Variants in NTM observed in about 807,000 individuals in gnomAD.
The protein encoded by NTM is IgLON family member 2.
A neutral mutation model predicts 42.1 loss-of-function variants in NTM; 13 were observed. The ratio of observed to expected loss-of-function variants is 0.31; its 90% CI spans 0.20 to 0.49. NTM has a LOEUF of 0.49. Among genes scored for constraint, NTM ranks in the 20% least tolerant of loss-of-function variants. NTM has a pLI of 0.99. For missense variants in NTM, 373 were observed against 452.8 expected (o/e 0.82, Z 1.60); for synonymous variants, 187 against 179.2 (o/e 1.04, Z -0.35).
intron 1 of NTM, among the ~76,000 whole-genome samples, chr11:131,608,948 C>G (rs1402869059): frequency 6.6e-6 from 1 of 152,202 alleles, no homozygotes; most frequent in Non-Finnish European, 1.5e-5. Context: ...ATGCTACTGA[C>G]AGTAGATGCA....
intron 3 of NTM, among the ~76,000 whole-genome samples, chr11:132,172,202 C>T (rs1031495412): frequency 3.3e-5 from 5 of 152,194 alleles, no homozygotes; most frequent in Admixed American, 1.3e-4. Context: ...ATACATGATG[C>T]GATTTATGTC....
At chr11:131,385,697 T>A (rs1476526476) in intron 1 of NTM, among the ~76,000 whole-genome samples, 3 of 152,122 alleles carry the variant, frequency 2.0e-5, no homozygotes, top group Admixed American at 6.5e-5. Flanking sequence ...TACAAAAAAA[T>A]TTTTTTAAAA....
intron 4 of NTM, among the ~76,000 whole-genome samples, chr11:132,264,774 C>T (rs564537700): frequency 6.1e-4 from 93 of 152,226 alleles, no homozygotes; most frequent in African/African-American, 2.2e-3. Context: ...ATCTCATTAC[C>T]CAGGCCTTGC....
intron 1 of NTM, among the ~76,000 whole-genome samples, chr11:131,693,923 C>T (rs376710427): frequency 6.6e-6 from 1 of 152,200 alleles, no homozygotes. Context: ...TCTCTGGAGA[C>T]CTGTCTCTTT....
chr11:131,874,522 T>G (rs549998924), intron 1 of NTM, among the ~76,000 whole-genome samples: 24 of 152,316 alleles, frequency 1.6e-4, no homozygotes, highest in Non-Finnish European at 3.2e-4. Flanking sequence ...TGACTAAGTT[T>G]CTTAATTGTA....
intron 1 of NTM, among the ~76,000 whole-genome samples, chr11:131,380,918 A>C (rs990050924): frequency 1.3e-5 from 2 of 152,316 alleles, no homozygotes; most frequent in East Asian, 3.9e-4. Context: ...GATTCAACTC[A>C]TCTCTTCTTT....
intron 2 of NTM, among the ~76,000 whole-genome samples, chr11:131,953,084 G>A (rs652954): frequency 0.97 from 148,276 of 152,290 alleles, 72,213 homozygotes; most frequent in East Asian, 1. Context: ...AGAAAGCGCC[G>A]TGTTCAAGTT....
intron 1 of NTM, among the ~76,000 whole-genome samples, chr11:131,576,793 C>T (rs2057976578): frequency 6.6e-6 from 1 of 152,186 alleles, no homozygotes; most frequent in African/African-American, 2.4e-5. Context: ...TTTCTGGAGT[C>T]TGACTACCTG....
Position 132,336,752 on chromosome 11 carries a change from G to A in NTM, c.*1606G>A, listed in dbSNP as rs1435405240. On this transcript the variant is annotated 3_prime_UTR_variant, in exon 9 of 9. Transcript: ENST00000683400. ...GGTCCTGGATGTGATGAGGGAAAGG[G>A]GGATTGGGGGATCCGGGAGGGTGGG... is the stretch of plus-strand genomic sequence containing the variant. 6.6e-6 allele frequency: 1 copy of A among 152,116 alleles called. No individual in the cohort carries two copies. Among genetic ancestry groups the A allele is most frequent in the African/African-American group, 2.4e-5 (1 of 41,402 alleles). The allele number at this position is 152,116 out of a possible 1,614,324, so 9.4% of individuals were successfully genotyped here.
intron 2 of NTM, among the ~76,000 whole-genome samples, chr11:132,080,771 T>A (rs1357206431): frequency 1.3e-5 from 2 of 152,200 alleles, no homozygotes; most frequent in Non-Finnish European, 2.9e-5. Context: ...TGGATTTTAA[T>A]CTAAAAAAAA....
At chr11:132,124,371 A>G (rs1337681238) in intron 2 of NTM, among the ~76,000 whole-genome samples, 1 of 152,172 alleles carries the variant, frequency 6.6e-6, no homozygotes, top group African/African-American at 2.4e-5. Flanking sequence ...GACAGGCTCC[A>G]AAACACAGGT....
At chr11:131,926,489 G>A (rs145283956) in intron 2 of NTM, among the ~76,000 whole-genome samples, 196 of 152,060 alleles carry the variant, frequency 1.3e-3, no homozygotes, top group Middle Eastern at 3.4e-3. Flanking sequence ...GCAGAGTATC[G>A]GCAAGTGGAA....
intron 2 of NTM, among the ~76,000 whole-genome samples, chr11:131,956,957 C>T (rs1289536502): frequency 6.6e-6 from 1 of 150,944 alleles, no homozygotes; most frequent in Non-Finnish European, 1.5e-5. Context: ...AAGCTGTATT[C>T]CTCAGGCTCC....
chr11:132,327,529 A>G (rs1008562859), intron 7 of NTM, among the ~76,000 whole-genome samples: 3 of 152,204 alleles, frequency 2.0e-5, no homozygotes, highest in African/African-American at 7.2e-5. Flanking sequence ...AGAAAGCACA[A>G]AAGAAAGAAA....
intron 2 of NTM, among the ~76,000 whole-genome samples, chr11:132,075,810 A>G (rs188225253): frequency 1.3e-4 from 20 of 152,364 alleles, no homozygotes; most frequent in South Asian, 4.1e-4. Flanking sequence ...AGAAAATGTG[A>G]AACAGCCTAA....
intron 1 of NTM, among the ~76,000 whole-genome samples, chr11:131,882,306 C>T (rs1377225694): frequency 6.6e-6 from 1 of 152,170 alleles, no homozygotes; most frequent in East Asian, 1.9e-4. Flanking sequence ...GAGCTGGTGT[C>T]CCAGCTCAGG....
At chr11:131,822,889 T>C (rs1285442034) in intron 1 of NTM, among the ~76,000 whole-genome samples, 1 of 152,208 alleles carries the variant, frequency 6.6e-6, no homozygotes, top group Non-Finnish European at 1.5e-5. Context: ...CTTGTTTTTG[T>C]GAATATGCTC....
At chr11:132,208,007 G>A (rs956727486) in intron 3 of NTM, among the ~76,000 whole-genome samples, 4 of 152,174 alleles carry the variant, frequency 2.6e-5, no homozygotes. Flanking sequence ...CTAATGCTTG[G>A]CACAATGCTG....
chr11:132,078,014 A>G (rs1277233012), intron 2 of NTM, among the ~76,000 whole-genome samples: 1 of 152,248 alleles, frequency 6.6e-6, no homozygotes, highest in East Asian at 1.9e-4. Flanking sequence ...TGAAAAATAG[A>G]AATGTATAAA....
Sources: allele counts gnomAD v4.1 joint callset (sites outside exome capture counted in the v4.1 genomes callset), GRCh38; gene constraint gnomAD v4.1.1; transcripts MANE v1.5; gene names NCBI Gene and HGNC (gene_info 2026-07-23, HGNC 2026-07-21).